Variants in LRRC4C observed in about 807,000 individuals in gnomAD.
LRRC4C encodes leucine-rich repeat-containing protein 4C.
A neutral mutation model predicts 33.6 loss-of-function variants in LRRC4C; 5 were observed. That is an observed-to-expected ratio of 0.15 (90% CI 0.08 to 0.31). The LOEUF (loss-of-function observed/expected upper bound fraction) is 0.31, where lower values mean the gene tolerates loss of function less well. LRRC4C is among the 10% of genes least tolerant of loss of function. LRRC4C has a pLI of 1.00. For synonymous variants in LRRC4C, 329 were observed against 302.0 expected (o/e 1.09, Z -0.93); for missense variants, 560 against 796.7 (o/e 0.70, Z 3.58).
chr11:40,938,619 C>T (rs12281725), intron 1 of LRRC4C, among the ~76,000 whole-genome samples: 9,920 of 151,990 alleles, frequency 0.065, 450 homozygotes, highest in Admixed American at 0.15. Flanking sequence ...ATGACATTTC[C>T]AAAAATATGA....
chr11:41,293,732 G>A (rs1354699793), intron 1 of LRRC4C, among the ~76,000 whole-genome samples: 1 of 151,966 alleles, frequency 6.6e-6, no homozygotes, highest in Non-Finnish European at 1.5e-5. Flanking sequence ...CGAGTAGCTG[G>A]GATTACAGGT....
chr11:40,192,269 G>T (rs1008093822), intron 5 of LRRC4C, among the ~76,000 whole-genome samples: 2 of 152,024 alleles, frequency 1.3e-5, no homozygotes, highest in Admixed American at 1.3e-4. Context: ...TGAGGTACCT[G>T]GTTCATCCCA....
At chr11:40,547,427 G>A (rs1316375760) in intron 3 of LRRC4C, among the ~76,000 whole-genome samples, 1 of 152,018 alleles carries the variant, frequency 6.6e-6, no homozygotes, top group African/African-American at 2.4e-5. Flanking sequence ...AGGGTTACAA[G>A]CAGTGAGTTC....
rs189612714 is a variant in LRRC4C at position 40,737,677 on chromosome 11, A to G, written c.-406-89399T>C. On this transcript the variant is annotated intron_variant, in intron 2 of 6. Transcript: ENST00000528697. Reference sequence around the variant, plus strand: ...ACAACTTACAAGGGATGTGAAGGACATCTTCAAGGAGAACTACAAACCAAT... The same window carrying G: ...ACAACTTACAAGGGATGTGAAGGACGTCTTCAAGGAGAACTACAAACCAAT... Among the ~76,000 whole-genome samples, 509 of 152,184 alleles carry G rather than the reference A, an allele frequency of 3.3e-3. 14 individuals carry two copies. Among genetic ancestry groups the G allele is most frequent in the Admixed American group, 0.031 (470 of 15,280 alleles).
intron 4 of LRRC4C, among the ~76,000 whole-genome samples, chr11:40,248,204 G>T (rs1165995639): frequency 6.6e-6 from 1 of 152,042 alleles, no homozygotes; most frequent in African/African-American, 2.4e-5. Flanking sequence ...CTTCTATAAA[G>T]CTTTTTTCAA....
chr11:41,149,644 G>C (rs374405260), intron 1 of LRRC4C, among the ~76,000 whole-genome samples: 1 of 152,042 alleles, frequency 6.6e-6, no homozygotes, highest in Admixed American at 6.6e-5. Context: ...CCTGGGCACA[G>C]ATAGGATAGA....
At chr11:40,357,333 T>G (rs1186406939) in intron 3 of LRRC4C, among the ~76,000 whole-genome samples, 1 of 152,184 alleles carries the variant, frequency 6.6e-6, no homozygotes, top group African/African-American at 2.4e-5. Flanking sequence ...GTGCTTTCTG[T>G]GCCTATCAAG....
intron 1 of LRRC4C, among the ~76,000 whole-genome samples, chr11:40,969,712 T>C (rs1057194993): frequency 2.0e-5 from 3 of 152,188 alleles, no homozygotes; most frequent in Admixed American, 6.5e-5. Flanking sequence ...TATTAGACAA[T>C]GCACATTTAA....
At chr11:40,980,689 T>C (rs1852454826) in intron 1 of LRRC4C, among the ~76,000 whole-genome samples, 1 of 152,202 alleles carries the variant, frequency 6.6e-6, no homozygotes, top group African/African-American at 2.4e-5. Context: ...ACTAAGAACC[T>C]TCTCTTTCGT....
intron 1 of LRRC4C, among the ~76,000 whole-genome samples, chr11:41,145,684 A>C (rs1214639693): frequency 6.6e-6 from 1 of 152,114 alleles, no homozygotes; most frequent in Non-Finnish European, 1.5e-5. Context: ...TAGACTGTCC[A>C]TTTGAATATA....
intron 5 of LRRC4C, among the ~76,000 whole-genome samples, chr11:40,224,359 T>C (rs1364195422): frequency 6.6e-6 from 1 of 152,246 alleles, no homozygotes; most frequent in South Asian, 2.1e-4. Flanking sequence ...ACTTTTAATC[T>C]ATCTGTATAT....
chr11:40,187,251 G>A (rs565215252), intron 5 of LRRC4C, among the ~76,000 whole-genome samples: 3 of 152,046 alleles, frequency 2.0e-5, no homozygotes, highest in Non-Finnish European at 2.9e-5. Context: ...AACACTGCTC[G>A]GGAGCAGCAG....
chr11:40,504,076 A>G (rs1314622952), intron 3 of LRRC4C, among the ~76,000 whole-genome samples: 1 of 152,158 alleles, frequency 6.6e-6, no homozygotes, highest in Admixed American at 6.6e-5. Flanking sequence ...TGGTGAAAAG[A>G]GTTGACAAGC....
At chr11:40,726,131 G>T (rs922088002) in intron 2 of LRRC4C, among the ~76,000 whole-genome samples, 2 of 145,804 alleles carry the variant, frequency 1.4e-5, no homozygotes, top group Non-Finnish European at 1.5e-5. Context: ...AGTGAGTTCT[G>T]AAATTTAATC....
At chr11:40,671,806 A>C (rs549993815) in intron 2 of LRRC4C, among the ~76,000 whole-genome samples, 4 of 152,042 alleles carry the variant, frequency 2.6e-5, no homozygotes, top group South Asian at 2.1e-4. Flanking sequence ...TCTGTTTTAT[A>C]TTTTCATCGT....
intron 3 of LRRC4C, among the ~76,000 whole-genome samples, chr11:40,589,632 C>G (rs1378823407): frequency 6.6e-6 from 1 of 151,846 alleles, no homozygotes; most frequent in South Asian, 2.1e-4. Flanking sequence ...TTCCTTTCCA[C>G]GTTTAGTGCT....
chr11:41,245,029 A>G (rs1948396869), intron 1 of LRRC4C, among the ~76,000 whole-genome samples: 2 of 152,220 alleles, frequency 1.3e-5, no homozygotes, highest in Non-Finnish European at 2.9e-5. Flanking sequence ...TCCTAGTTTA[A>G]AACCTAATCA....
intron 1 of LRRC4C, among the ~76,000 whole-genome samples, chr11:41,197,938 C>T (rs920029827): frequency 4.6e-5 from 7 of 151,882 alleles, no homozygotes; most frequent in African/African-American, 1.7e-4. Context: ...TCACCACTAC[C>T]TCCTCGTCAC....
intron 2 of LRRC4C, among the ~76,000 whole-genome samples, chr11:40,658,417 C>A (rs1207882611): frequency 1.3e-5 from 2 of 152,160 alleles, no homozygotes; most frequent in Non-Finnish European, 2.9e-5. Context: ...TTCTGTTGCC[C>A]AGTGTTCATG....
Sources: allele counts gnomAD v4.1 joint callset (sites outside exome capture counted in the v4.1 genomes callset), GRCh38; gene constraint gnomAD v4.1.1; transcripts MANE v1.5; gene names NCBI Gene and HGNC (gene_info 2026-07-23, HGNC 2026-07-21).